Variants in OTOA observed in about 807,000 individuals in gnomAD.
OTOA encodes the protein cancer/testis antigen 108.
A neutral mutation model predicts 110.8 loss-of-function variants in OTOA; 70 were observed. The ratio of observed to expected loss-of-function variants is 0.63; its 90% confidence interval spans 0.52 to 0.77. The LOEUF (loss-of-function observed/expected upper bound fraction) is 0.77. OTOA is among the 30% of genes least tolerant of loss of function. OTOA has a pLI of 0.00. For synonymous variants in OTOA, 373 were observed against 431.5 expected, an observed-to-expected ratio of 0.86 and a Z score of 1.68; for missense variants, 917 against 1,075.8, an observed-to-expected ratio of 0.85 and a Z score of 2.06.
chr16:21,738,713 G>A (rs1247206750), intron 22 of OTOA, among the ~76,000 whole-genome samples: 2 of 152,258 alleles, frequency 1.3e-5, no homozygotes, highest in African/African-American at 4.8e-5. Flanking sequence ...TGGAGCCTGG[G>A]GTTTGGGGTT....
At chr16:21,750,431 A>G (rs1655778321) in intron 24 of OTOA, among the ~76,000 whole-genome samples, 2 of 100,876 alleles carry the variant, frequency 2.0e-5, no homozygotes, top group African/African-American at 3.7e-5. Flanking sequence ...AAAAAAAAAA[A>G]GGAATTTATT....
At chr16:21,736,812 C>T (rs1411841276) in intron 22 of OTOA, among the ~76,000 whole-genome samples, 1 of 152,312 alleles carries the variant, frequency 6.6e-6, no homozygotes, top group South Asian at 2.1e-4. Context: ...GCCTGGGTGA[C>T]AGCGAGACTC....
intron 1 of OTOA, among the ~76,000 whole-genome samples, chr16:21,677,769 A>C (rs1966862391): frequency 6.6e-6 from 1 of 152,142 alleles, no homozygotes; most frequent in South Asian, 2.1e-4. Context: ...GGCGTGAGCC[A>C]CTGCGCCTGG....
chr16:21,669,980 G>T (rs1045030246), intron 1 of OTOA, among the ~76,000 whole-genome samples: 1 of 152,132 alleles, frequency 6.6e-6, no homozygotes, highest in African/African-American at 2.4e-5. Flanking sequence ...ATAAAAATTA[G>T]CTGGGTGTGG....
At chr16:21,736,970 T>C (rs1899326449) in intron 22 of OTOA, among the ~76,000 whole-genome samples, 1 of 152,312 alleles carries the variant, frequency 6.6e-6, no homozygotes, top group Non-Finnish European at 1.5e-5. Context: ...GGATTAGTGG[T>C]TTAACATAGC....
intron 9 of OTOA, 138 bp from the exon 10 acceptor site, chr16:21,697,637 A>G (rs922942473): frequency 2.5e-6 from 2 of 804,390 alleles, no homozygotes; most frequent in African/African-American, 3.4e-5. Context: ...GTCTCAAAAA[A>G]CCCCGAAAAA....
intron 10 of OTOA, among the ~76,000 whole-genome samples, chr16:21,698,491 A>T (rs537606498): frequency 6.6e-6 from 1 of 152,160 alleles, no homozygotes. Flanking sequence ...AATGCTGCCA[A>T]CACAAAGGGA....
intron 13 of OTOA, among the ~76,000 whole-genome samples, chr16:21,714,304 C>CTTT (rs1898457627): frequency 2.7e-5 from 3 of 110,904 alleles, no homozygotes; most frequent in Non-Finnish European, 3.8e-5. Context: ...TTCCTTTCTT[C>CTTT]CTTCCTTCCT....
rs756862883 is a variant in OTOA, at chr16:21,697,895, TTA to T, written c.840+24_840+25del. On this transcript the variant is annotated intron_variant, in intron 10 of 28. Coordinates refer to ENST00000646100, the MANE Select transcript of OTOA (RefSeq NM_144672.4). ...ATAGAAGTAAGTTGGAAAAGTACATTTATATGTCACCATTACTAATACACTTG... is the reference window on the plus strand; with the variant it reads ...ATAGAAGTAAGTTGGAAAAGTACATTTATGTCACCATTACTAATACACTTG... The T allele has an allele frequency of 6.3e-7, 1 of 1,582,028 alleles. No homozygotes were observed. Among genetic ancestry groups the T allele is most frequent in the Non-Finnish European group, 8.7e-7 (1 of 1,150,962 alleles).
intron 8 of OTOA, among the ~76,000 whole-genome samples, chr16:21,689,795 C>T (rs1213228580): frequency 6.6e-6 from 1 of 152,076 alleles, no homozygotes. Flanking sequence ...AAGTGATTCT[C>T]CTGTCTCAGC....
intron 11 of OTOA, 169 bp from the exon 12 acceptor site, chr16:21,705,000 C>T (rs1898129776): frequency 9.3e-7 from 1 of 1,078,554 alleles, no homozygotes; most frequent in South Asian, 1.2e-5. Flanking sequence ...TTAGGTTCCG[C>T]CTGTGGTTGC....
intron 28 of OTOA, among the ~76,000 whole-genome samples, chr16:21,759,623 G>A (rs1235677109): frequency 8.5e-5 from 13 of 152,060 alleles, no homozygotes; most frequent in African/African-American, 2.2e-4. Flanking sequence ...GATGTTGGTC[G>A]GATGTGGCAG....
chr16:21,688,423 A>G (rs1432981718), intron 8 of OTOA, among the ~76,000 whole-genome samples: 3 of 152,076 alleles, frequency 2.0e-5, no homozygotes, highest in Admixed American at 6.6e-5. Context: ...AACAAAAACA[A>G]AAAAACCCAC....
At chr16:21,694,096 T>C (rs1380616724) in intron 9 of OTOA, among the ~76,000 whole-genome samples, 1 of 152,150 alleles carries the variant, frequency 6.6e-6, no homozygotes, top group African/African-American at 2.4e-5. Context: ...ATAATTTTCA[T>C]GTGTCACCAA....
chr16:21,744,795 T>C (rs1410374731), intron 23 of OTOA, 86 bp from the exon 24 acceptor site: 1 of 708 alleles, frequency 1.4e-3, no homozygotes, highest in East Asian at 0.045. Context: ...TTTTAACATA[T>C]GCATTTTAGA....
chr16:21,678,152 C>A (rs1966864626), intron 1 of OTOA, among the ~76,000 whole-genome samples: 1 of 152,096 alleles, frequency 6.6e-6, no homozygotes, highest in Non-Finnish European at 1.5e-5. Flanking sequence ...ATGCAAAGTG[C>A]TGGGATTACA....
At position 21,700,724 on chromosome 16, in the gene OTOA, CA is replaced by C. The variant is rs3054189; in HGVS notation, c.841-149del. On this transcript the variant is annotated intron_variant, in intron 10 of 28. Coordinates refer to ENST00000646100, the MANE Select transcript of OTOA (RefSeq NM_144672.4). ...TGGGCGACAGAGTGAGACTCCATCT[CA>C]AAAAAAAAAAAAAAGAAAAGAAAAA... is the stretch of plus-strand genomic sequence containing the variant. Among the ~76,000 whole-genome samples, 974 of 115,676 alleles carry C rather than the reference CA, an allele frequency of 8.4e-3. 8 individuals carry two copies. The highest frequency in any genetic ancestry group is 0.024 in the African/African-American group (713 of 30,090). 75.9% of individuals were successfully genotyped at this position (115,676 alleles called of 152,430 possible). A position where few individuals can be genotyped will look rare whatever the true frequency, so the allele number is the denominator to read the frequency against.
chr16:21,712,334 TA>T (rs879680615), intron 13 of OTOA, among the ~76,000 whole-genome samples: 178 of 139,998 alleles, frequency 1.3e-3, no homozygotes, highest in Non-Finnish European at 1.2e-3. Flanking sequence ...GACTCTGTCT[TA>T]AAAAAAAAAA....
intron 8 of OTOA, among the ~76,000 whole-genome samples, chr16:21,689,982 G>A (rs1262617250): frequency 6.6e-6 from 1 of 152,002 alleles, no homozygotes; most frequent in Non-Finnish European, 1.5e-5. Flanking sequence ...CACTGCACCC[G>A]GCCCAATTGT....
Sources: gnomAD v4.1 joint callset for allele counts (sites outside exome capture counted in the v4.1 genomes callset) on GRCh38, gnomAD v4.1.1 for gene constraint, MANE v1.5 for transcripts, NCBI Gene and HGNC (gene_info 2026-07-23, HGNC 2026-07-21) for gene names.